The following TMTC1 variants were observed in gnomAD, a reference collection of about 807,000 sequenced individuals.
TMTC1 encodes protein O-mannosyl-transferase TMTC1.
In TMTC1, 73 loss-of-function variants were observed where a neutral mutation model predicts 104.8. That is an observed-to-expected ratio of 0.70 (90% CI 0.58 to 0.85). The LOEUF is 0.85. Ranked by LOEUF, TMTC1 falls within the 40% of genes least tolerant of loss-of-function variation. The pLI is 0.00. For missense variants in TMTC1, 1,035 were observed against 1,096.1 expected, an observed-to-expected ratio of 0.94 and a Z score of 0.79; for synonymous variants, 434 against 428.7, an observed-to-expected ratio of 1.01 and a Z score of -0.15.
intron 5 of TMTC1, among the ~76,000 whole-genome samples, chr12:29,653,196 C>G (rs1939604199): frequency 6.6e-6 from 1 of 151,984 alleles, no homozygotes; most frequent in Non-Finnish European, 1.5e-5. Flanking sequence ...ATCAAGCCAG[C>G]TAGAAATATC....
intron 5 of TMTC1, chr12:29,666,221 C>CTTTTTTTTTTTTT (rs1555184439): frequency 2.5e-6 from 1 of 395,786 alleles, no homozygotes; most frequent in Non-Finnish European, 4.8e-6. Flanking sequence ...TTCTTTTTTT[C>CTTTTTTTTTTTTT]TTTTTTCTTT....
Position 29,503,233 on chromosome 12 carries a change from T to C in TMTC1, c.*3613A>G, listed in dbSNP as rs1447801014. 1 of 152,236 alleles carries C rather than the reference T, an allele frequency of 6.6e-6. No homozygotes were observed. The highest frequency in any genetic ancestry group is 1.9e-4 in the East Asian group (1 of 5,198). 9.4% of individuals were successfully genotyped at this position (152,236 alleles called of 1,614,324 possible). ...TGCGACAATTCTCTTTGTTTTGTGA[T>C]AGGCTTTAAATTAAACAACCCAAAA... On this transcript the variant is annotated 3_prime_UTR_variant, in exon 18 of 18. Coordinates refer to ENST00000539277, the MANE Select transcript of TMTC1 (RefSeq NM_001193451.2).
At chr12:29,700,128 A>C (rs1941543432) in intron 5 of TMTC1, among the ~76,000 whole-genome samples, 1 of 151,920 alleles carries the variant, frequency 6.6e-6, no homozygotes, top group Admixed American at 6.6e-5. Flanking sequence ...AGCTCACTGC[A>C]ACCTTAAACT....
At chr12:29,771,010 T>C (rs1375914564) in intron 1 of TMTC1, among the ~76,000 whole-genome samples, 2 of 152,194 alleles carry the variant, frequency 1.3e-5, no homozygotes, top group Non-Finnish European at 2.9e-5. Flanking sequence ...CAGCCTAAGA[T>C]AGATTTGTAG....
At chr12:29,581,759 T>C (rs1271376508) in intron 8 of TMTC1, among the ~76,000 whole-genome samples, 1 of 152,008 alleles carries the variant, frequency 6.6e-6, no homozygotes, top group Non-Finnish European at 1.5e-5. Context: ...CTCTGACTAG[T>C]GAAAGAGAAA....
At chr12:29,656,763 A>G (rs1939778680) in intron 5 of TMTC1, among the ~76,000 whole-genome samples, 1 of 152,166 alleles carries the variant, frequency 6.6e-6, no homozygotes, top group Non-Finnish European at 1.5e-5. Flanking sequence ...ATCCCTTTGA[A>G]AAGTATATAT....
At chr12:29,580,091 A>G (rs1945934704) in intron 8 of TMTC1, among the ~76,000 whole-genome samples, 1 of 152,202 alleles carries the variant, frequency 6.6e-6, no homozygotes, top group Non-Finnish European at 1.5e-5. Context: ...CTGTAATCCC[A>G]GCACTTGGGG....
At chr12:29,670,758 A>C (rs147837193) in intron 5 of TMTC1, among the ~76,000 whole-genome samples, 3 of 151,506 alleles carry the variant, frequency 2.0e-5, no homozygotes, top group Non-Finnish European at 2.9e-5. Context: ...GCAAAACCTC[A>C]TCTGTATTAA....
At chr12:29,781,837 GA>G (rs905297126) in intron 1 of TMTC1, among the ~76,000 whole-genome samples, 5 of 151,792 alleles carry the variant, frequency 3.3e-5, no homozygotes, top group Admixed American at 2.6e-4. Flanking sequence ...TCCCAAAAAA[GA>G]AAAAAAGAGA....
At chr12:29,639,576 T>C (rs1000626196) in intron 5 of TMTC1, among the ~76,000 whole-genome samples, 4 of 152,214 alleles carry the variant, frequency 2.6e-5, no homozygotes, top group Admixed American at 1.3e-4. Context: ...GGCAGTTTCA[T>C]GAAAGCAAAA....
chr12:29,663,591 A>G (rs1333890795), intron 5 of TMTC1, among the ~76,000 whole-genome samples: 3 of 151,744 alleles, frequency 2.0e-5, no homozygotes, highest in Non-Finnish European at 4.4e-5. Context: ...ATCTCAGCTC[A>G]CTGCAACTTC....
intron 9 of TMTC1, among the ~76,000 whole-genome samples, chr12:29,563,722 C>G (rs1281129838): frequency 6.6e-6 from 1 of 152,162 alleles, no homozygotes; most frequent in Non-Finnish European, 1.5e-5. Flanking sequence ...TTATGTTCGT[C>G]CAGACTTTGT....
At chr12:29,644,876 C>G (rs755916308) in intron 5 of TMTC1, among the ~76,000 whole-genome samples, 1 of 152,164 alleles carries the variant, frequency 6.6e-6, no homozygotes, top group Non-Finnish European at 1.5e-5. Flanking sequence ...GGTCCTTGAA[C>G]TCCAACTCCT....
chr12:29,670,077 T>C (rs1329674349), intron 5 of TMTC1, among the ~76,000 whole-genome samples: 1 of 152,174 alleles, frequency 6.6e-6, no homozygotes, highest in Non-Finnish European at 1.5e-5. Context: ...ATCCATGCAA[T>C]AAAATCACTG....
chr12:29,533,126 A>G (rs1944551853), intron 11 of TMTC1: 1 of 152,126 alleles, frequency 6.6e-6, no homozygotes, highest in Non-Finnish European at 1.5e-5. Flanking sequence ...CTCCTCAGAT[A>G]TTTACCGTTA....
At chr12:29,717,087 T>A (rs966749961) in intron 5 of TMTC1, among the ~76,000 whole-genome samples, 5 of 152,168 alleles carry the variant, frequency 3.3e-5, no homozygotes, top group Non-Finnish European at 5.9e-5. Flanking sequence ...GATATATTTT[T>A]AAAATATAAT....
intron 10 of TMTC1, among the ~76,000 whole-genome samples, chr12:29,549,318 A>G (rs899389067): frequency 2.0e-5 from 3 of 152,110 alleles, no homozygotes; most frequent in Admixed American, 6.6e-5. Context: ...TTTAAAATAA[A>G]GTTCTAGGCC....
chr12:29,576,753 GT>G (rs1565682715), intron 8 of TMTC1, among the ~76,000 whole-genome samples: 1 of 152,100 alleles, frequency 6.6e-6, no homozygotes, highest in East Asian at 1.9e-4. Flanking sequence ...TATATTTTAA[GT>G]CTGCAAAGAG....
At chr12:29,783,961 C>G, upstream of TMTC1, 1 of 251,804 alleles carries the variant, frequency 4.0e-6, no homozygotes, top group Admixed American at 6.1e-5. The surrounding 1 kb of genome is among the most constrained non-coding windows in gnomAD (Gnocchi z 4.7). Flanking sequence ...CCCCGCCTCC[C>G]CCGGCCATCG....
Sources: gnomAD v4.1 joint callset for allele counts (sites outside exome capture counted in the v4.1 genomes callset) on GRCh38, gnomAD v4.1.1 for gene constraint, Gnocchi (gnomAD v3.1) non-coding constraint, MANE v1.5 for transcripts, NCBI Gene and HGNC (gene_info 2026-07-23, HGNC 2026-07-21) for gene names.